Variants in NRXN1 observed in about 807,000 individuals in gnomAD.
The protein encoded by NRXN1 is neurexin 1, also known as neurexin-1.
In NRXN1, 39 loss-of-function variants were observed where a neutral mutation model predicts 150.9. That is an observed-to-expected ratio of 0.26 (90% CI 0.20 to 0.34). The LOEUF is 0.34. NRXN1 is among the 10% of genes least tolerant of loss of function. NRXN1 has a pLI of 1.00. For missense variants in NRXN1, 1,815 were observed against 1,949.9 expected (o/e 0.93, Z 1.30); for synonymous variants, 924 against 757.0 (o/e 1.22, Z -3.62).
chr2:50,395,705 T>A (rs1240571554), intron 17 of NRXN1, among the ~76,000 whole-genome samples: 1 of 152,166 alleles, frequency 6.6e-6, no homozygotes, highest in Non-Finnish European at 1.5e-5. Flanking sequence ...CACTATATCA[T>A]ATAAGTTCCT....
intron 21 of NRXN1, among the ~76,000 whole-genome samples, chr2:50,018,881 T>A (rs1475689263): frequency 6.6e-6 from 1 of 152,210 alleles, no homozygotes; most frequent in African/African-American, 2.4e-5. Flanking sequence ...AAAATCCTCT[T>A]TCATATCGAT....
chr2:50,148,812 A>G (rs2058522384), intron 18 of NRXN1, among the ~76,000 whole-genome samples: 1 of 151,658 alleles, frequency 6.6e-6, no homozygotes, highest in South Asian at 2.1e-4. Context: ...CTGCCTTGCA[A>G]TTGTTGTCTG....
intron 12 of NRXN1, among the ~76,000 whole-genome samples, chr2:50,507,581 A>C (rs1490931756): frequency 6.6e-6 from 1 of 151,206 alleles, no homozygotes; most frequent in Non-Finnish European, 1.5e-5. Flanking sequence ...ATTATTTCAG[A>C]AAGGTGTTTG....
intron 5 of NRXN1, among the ~76,000 whole-genome samples, chr2:50,714,912 G>A (rs1695670509): frequency 6.6e-6 from 1 of 152,062 alleles, no homozygotes; most frequent in Admixed American, 6.6e-5. Context: ...GAATAATTCA[G>A]TATAAAAAGT....
intron 21 of NRXN1, among the ~76,000 whole-genome samples, chr2:50,014,725 T>G (rs1686281955): frequency 6.6e-6 from 1 of 152,130 alleles, no homozygotes; most frequent in Admixed American, 6.6e-5. Context: ...AATAAACAAA[T>G]TTTAAAGCCT....
At chr2:50,046,020 C>T (rs1468554763) in intron 21 of NRXN1, among the ~76,000 whole-genome samples, 2 of 152,138 alleles carry the variant, frequency 1.3e-5, no homozygotes, top group African/African-American at 4.8e-5. Flanking sequence ...AGGATAGATA[C>T]AGAAATCATA....
At chr2:50,369,353 C>G (rs1421776131) in intron 17 of NRXN1, among the ~76,000 whole-genome samples, 3 of 151,984 alleles carry the variant, frequency 2.0e-5, no homozygotes, top group African/African-American at 7.2e-5. Context: ...ACCAAACTAT[C>G]AGTTTCAGAT....
At chr2:50,257,966 C>T (rs1310926495) in intron 17 of NRXN1, among the ~76,000 whole-genome samples, 3 of 151,796 alleles carry the variant, frequency 2.0e-5, no homozygotes, top group African/African-American at 4.8e-5. Flanking sequence ...TATGCAACAG[C>T]ATTATGTCTG....
At position 49,919,381 on chromosome 2, in the gene NRXN1, CA is replaced by C. The variant is rs1488118623; in HGVS notation, c.*2562del. On this transcript the variant is annotated 3_prime_UTR_variant, in exon 23 of 23. Coordinates refer to ENST00000401669, the MANE Select transcript of NRXN1 (RefSeq NM_001330078.2). ...TTTGCTGATAATAAACTATATCAAT[CA>C]TTGCATGTAACTTTAAAATTTACGC... 1 of 151,994 alleles carries C rather than the reference CA, an allele frequency of 6.6e-6. No individual in the cohort carries two copies. The highest frequency in any genetic ancestry group is 1.5e-5 in the Non-Finnish European group (1 of 67,948). The allele number at this position is 151,994 out of a possible 1,614,324, so 9.4% of individuals were successfully genotyped here. A position where few individuals can be genotyped will look rare whatever the true frequency, so the allele number is the denominator to read the frequency against.
chr2:50,331,392 G>T (rs910695791), intron 17 of NRXN1, among the ~76,000 whole-genome samples: 4 of 152,100 alleles, frequency 2.6e-5, no homozygotes, highest in African/African-American at 9.7e-5. Flanking sequence ...AGGACAAAAG[G>T]AGAATGCAGA....
intron 17 of NRXN1, among the ~76,000 whole-genome samples, chr2:50,390,880 T>A (rs182272485): frequency 2.6e-5 from 4 of 152,226 alleles, no homozygotes; most frequent in African/African-American, 9.6e-5. Context: ...TTATAAATTA[T>A]ACAATCTGTG....
intron 5 of NRXN1, among the ~76,000 whole-genome samples, chr2:50,863,688 G>A (rs1200615985): frequency 1.3e-5 from 2 of 152,112 alleles, no homozygotes; most frequent in East Asian, 1.9e-4. Context: ...CAGAACTACA[G>A]CTTCCCCTCC....
In NRXN1 at chr2:50,346,715, G is replaced by C; in HGVS notation, c.3365-109745C>G. On this transcript the variant is annotated intron_variant, in intron 17 of 22. Transcript: ENST00000401669. The surrounding 1 kb of genome is among the most constrained non-coding windows in gnomAD (Gnocchi z 5.0). Reference sequence around the variant, plus strand: ...CCGTGTCCGCCTCGCAAGGATGCCGGTGACCTGTAGATTGCAATAGGCACT... The same window carrying C: ...CCGTGTCCGCCTCGCAAGGATGCCGCTGACCTGTAGATTGCAATAGGCACT... 6.8e-6 allele frequency: 11 copies of C among 1,613,760 alleles called. No homozygotes were observed. The highest frequency in any genetic ancestry group is 9.3e-6 in the Non-Finnish European group (11 of 1,179,852).
At chr2:50,272,611 G>C (rs1423654739) in intron 17 of NRXN1, among the ~76,000 whole-genome samples, 3 of 151,972 alleles carry the variant, frequency 2.0e-5, no homozygotes, top group African/African-American at 7.2e-5. Context: ...TAGACTAAAA[G>C]CAGGAAAAAA....
chr2:50,547,682 G>T (rs546550939), intron 9 of NRXN1, among the ~76,000 whole-genome samples: 2 of 152,134 alleles, frequency 1.3e-5, no homozygotes, highest in Non-Finnish European at 2.9e-5. Flanking sequence ...ATCCACAGAG[G>T]TTATTTACAT....
intron 18 of NRXN1, among the ~76,000 whole-genome samples, chr2:50,175,718 C>G (rs1041905437): frequency 2.6e-5 from 4 of 151,926 alleles, no homozygotes; most frequent in Non-Finnish European, 4.4e-5. Context: ...ATTCAGAGAA[C>G]TAGACCAGGT....
At chr2:50,642,050 T>G (rs1684158415) in intron 5 of NRXN1, among the ~76,000 whole-genome samples, 1 of 152,120 alleles carries the variant, frequency 6.6e-6, no homozygotes, top group South Asian at 2.1e-4. Flanking sequence ...TAAAATATAT[T>G]TTTAATTTTG....
intron 19 of NRXN1, among the ~76,000 whole-genome samples, chr2:50,059,426 T>C (rs776749996): frequency 3.3e-5 from 5 of 152,176 alleles, no homozygotes; most frequent in Non-Finnish European, 7.3e-5. Context: ...TTGGAACTTA[T>C]GTTTAAAATG....
At chr2:50,886,442 A>G (rs1167260570) in intron 5 of NRXN1, among the ~76,000 whole-genome samples, 7 of 151,522 alleles carry the variant, frequency 4.6e-5, no homozygotes, top group African/African-American at 1.7e-4. Context: ...ATTCAAATTA[A>G]TATTTCTAAT....
Sources: gnomAD v4.1 joint callset for allele counts (sites outside exome capture counted in the v4.1 genomes callset) on GRCh38, gnomAD v4.1.1 for gene constraint, Gnocchi (gnomAD v3.1) non-coding constraint, MANE v1.5 for transcripts, NCBI Gene and HGNC (gene_info 2026-07-23, HGNC 2026-07-21) for gene names.